The following PCDHGB5 variants were observed in gnomAD, a reference collection of about 807,000 sequenced individuals.
The protein encoded by PCDHGB5 is protocadherin gamma-B5.
PCDHGB5 carries 48 observed loss-of-function variants against 62.9 expected under a neutral mutation model. That is an observed-to-expected ratio of 0.76 (90% CI 0.61 to 0.97). PCDHGB5 has a LOEUF of 0.97. Among genes scored for constraint, PCDHGB5 ranks in the 50% least tolerant of loss-of-function variants. The pLI, the probability that PCDHGB5 is intolerant of heterozygous loss-of-function variation, is 0.00. For missense variants in PCDHGB5, 1,118 were observed against 1,198.6 expected (o/e 0.93, Z 0.99); for synonymous variants, 474 against 511.2 (o/e 0.93, Z 0.98).
chr5:141,423,174 C>T (rs1203454000), intron 1 of PCDHGB5: 1 of 1,613,484 alleles, frequency 6.2e-7, no homozygotes, highest in South Asian at 1.1e-5. Flanking sequence ...CCGTCCAGGA[C>T]CACGGCCAGC....
intron 1 of PCDHGB5, among the ~76,000 whole-genome samples, chr5:141,438,498 CAT>C (rs2097963931): frequency 6.7e-6 from 1 of 149,704 alleles, no homozygotes; most frequent in African/African-American, 2.5e-5. Context: ...AAAAAAGAAT[CAT>C]AGTGCAAAAC....
chr5:141,426,865 T>G (rs2096965950), intron 1 of PCDHGB5: 1 of 456,600 alleles, frequency 2.2e-6, no homozygotes, highest in African/African-American at 2.0e-5. Flanking sequence ...GAATTAGTGC[T>G]GGAGAAGCCC....
chr5:141,403,855 A>G (rs750458276), intron 1 of PCDHGB5: 12 of 1,613,676 alleles, frequency 7.4e-6, no homozygotes, highest in Non-Finnish European at 1.0e-5. Flanking sequence ...CTGGGGAAAT[A>G]TCAACAGCAA....
intron 1 of PCDHGB5, chr5:141,478,046 C>A (rs762982394): frequency 3.7e-6 from 6 of 1,614,172 alleles, no homozygotes; most frequent in Non-Finnish European, 5.1e-6. Flanking sequence ...CAGGCAGACT[C>A]TCACGGTCTT....
chr5:141,407,659 T>C (rs1443799600), intron 1 of PCDHGB5, among the ~76,000 whole-genome samples: 1 of 152,136 alleles, frequency 6.6e-6, no homozygotes, highest in East Asian at 1.9e-4. Flanking sequence ...GGGAGCGCAG[T>C]ATATATTAAA....
chr5:141,399,837 C>T lies in PCDHGB5; in HGVS notation c.1710C>T (p.Leu570=). 4 of 1,613,130 alleles carry T rather than the reference C, an allele frequency of 2.5e-6. No individual in the cohort carries two copies. The highest frequency in any genetic ancestry group is 3.4e-6 in the Non-Finnish European group (4 of 1,179,780). The part of the protein sequence containing the change: ...YPALGPDGSA[L]FDMVPRAAEP... ...CGCTGGGTCCCGACGGCTCTGCGCTCTTCGATATGGTGCCGCGCGCTGCAG... is the reference window on the plus strand; with the variant it reads ...CGCTGGGTCCCGACGGCTCTGCGCTTTTCGATATGGTGCCGCGCGCTGCAG... Residue 570 remains leucine, a synonymous_variant, in exon 1 of 4, where the codon CTC becomes CTT. Coordinates refer to ENST00000617380, the MANE Select transcript of PCDHGB5 (RefSeq NM_018925.3).
chr5:141,472,980 C>CAAAAAAAAAAAAAAAAAAAAA (rs60579131), intron 1 of PCDHGB5, among the ~76,000 whole-genome samples: 3 of 86,094 alleles, frequency 3.5e-5, no homozygotes, highest in Non-Finnish European at 5.0e-5. Context: ...GAGTGAAACT[C>CAAAAAAAAAAAAAAAAAAAAA]AAAAAAAAAA....
At chr5:141,409,034 AACT>A in intron 1 of PCDHGB5, 6 of 1,613,992 alleles carry the variant, frequency 3.7e-6, no homozygotes, top group Non-Finnish European at 4.2e-6. Flanking sequence ...TGCTGAGATA[AACT>A]ACTACTTCCG....
Position 141,486,515 on chromosome 5 carries a change from G to A in PCDHGB5, c.2398-8292G>A. ...AACTATTTTCCTCAATATTTCAGAT[G>A]TGAATGATAATCCACCCTCTTTCTT... On this transcript the variant is annotated intron_variant, in intron 1 of 3. Transcript: ENST00000617380. This position sits in a 1 kb window ranked among gnomAD's most constrained non-coding sequence, Gnocchi z 5.0. 1 of 1,614,172 alleles carries A rather than the reference G, an allele frequency of 6.2e-7. No individual in the cohort carries two copies. The highest frequency in any genetic ancestry group is 8.5e-7 in the Non-Finnish European group (1 of 1,180,026).
chr5:141,497,512 T>C (rs903352739), intron 2 of PCDHGB5, among the ~76,000 whole-genome samples: 2 of 151,896 alleles, frequency 1.3e-5, no homozygotes, highest in Admixed American at 1.3e-4. Flanking sequence ...TCTGCTTCCT[T>C]AGTTAACTTG....
chr5:141,423,753 G>A (rs758300730), intron 1 of PCDHGB5: 1 of 626,096 alleles, frequency 1.6e-6, no homozygotes, highest in Non-Finnish European at 2.0e-6. Context: ...AACTGTTTGG[G>A]GGGGGGGTGG....
intron 1 of PCDHGB5, chr5:141,442,134 AG>A (rs1365375748): frequency 6.1e-6 from 1 of 163,744 alleles, no homozygotes; most frequent in African/African-American, 2.4e-5. Context: ...AGCCTGCAGG[AG>A]ACTCTGCCAG....
In PCDHGB5 at chr5:141,431,716, G is replaced by T; in HGVS notation, c.2397+31192G>T. On this transcript the variant is annotated intron_variant, in intron 1 of 3. Transcript: ENST00000617380. The surrounding 1 kb of genome is among the most constrained non-coding windows in gnomAD (Gnocchi z 4.8). ...AGTCAGGATTCTACCAGATGGAAGT[G>T]CAAGCAATGGATAATGCAGGATATT... 1 of 1,614,244 alleles carries T rather than the reference G, an allele frequency of 6.2e-7. No homozygotes were observed. Among genetic ancestry groups the T allele is most frequent in the Middle Eastern group, 1.6e-4 (1 of 6,062 alleles).
chr5:141,398,349 C>T lies in PCDHGB5; in HGVS notation c.222C>T (p.Tyr74=). The change falls in exon 1 of 4, where the codon TAC becomes TAT. Residue 74 remains tyrosine (Y), a synonymous_variant. Transcript: ENST00000617380. The part of the protein sequence containing the change: ...RKLRVSSEKP[Y]FTVSAESGEL... ...TGCGCGTCAGTTCGGAGAAGCCTTA[C>T]TTCACCGTGAGCGCAGAGAGCGGGG... 2 of 1,397,134 alleles carry T rather than the reference C, an allele frequency of 1.4e-6. No individual in the cohort carries two copies. Among genetic ancestry groups the T allele is most frequent in the Non-Finnish European group, 2.0e-6 (2 of 1,007,652 alleles). The allele number at this position is 1,397,134 out of a possible 1,614,324, so 86.5% of individuals were successfully genotyped here. A position where few individuals can be genotyped will look rare whatever the true frequency, so the allele number is the denominator to read the frequency against.
chr5:141,410,447 C>A, intron 1 of PCDHGB5: 1 of 1,613,984 alleles, frequency 6.2e-7, no homozygotes, highest in Non-Finnish European at 8.5e-7. Context: ...GGGGACTTTG[C>A]CTTATTCTTA....
rs1316573600 is a variant in PCDHGB5 at position 141,490,443 on chromosome 5, G to A, written c.2398-4364G>A. The A allele has an allele frequency of 1.2e-6, 2 of 1,614,174 alleles. No individual in the cohort carries two copies. Among genetic ancestry groups the A allele is most frequent in the Non-Finnish European group, 8.5e-7 (1 of 1,180,042 alleles). On this transcript the variant is annotated intron_variant, in intron 1 of 3. Coordinates refer to ENST00000617380, the MANE Select transcript of PCDHGB5 (RefSeq NM_018925.3). The surrounding 1 kb of genome is among the most constrained non-coding windows in gnomAD (Gnocchi z 5.4). ...TGCCATTTCAGATTAAGCCTTCTGA[G>A]AACCACTACTCGCTGCTAACCAGCC...
intron 1 of PCDHGB5, chr5:141,423,313 G>T (rs1407028245): frequency 1.2e-6 from 2 of 1,614,184 alleles, no homozygotes; most frequent in Non-Finnish European, 1.7e-6. Context: ...GTACTTGGTG[G>T]TGGCGGTGGC....
chr5:141,497,384 A>G (rs2099776099), intron 2 of PCDHGB5, among the ~76,000 whole-genome samples: 1 of 151,900 alleles, frequency 6.6e-6, no homozygotes, highest in African/African-American at 2.4e-5. Context: ...TGGGGTGAGC[A>G]CCTTACCCCT....
chr5:141,408,082 G>A, intron 1 of PCDHGB5: 1 of 1,417,366 alleles, frequency 7.1e-7, no homozygotes, highest in Non-Finnish European at 9.3e-7. Context: ...TCCCAGCACA[G>A]CGGATTGCCA....
Sources: allele counts gnomAD v4.1 joint callset (sites outside exome capture counted in the v4.1 genomes callset), GRCh38; gene constraint gnomAD v4.1.1; non-coding constraint Gnocchi (gnomAD v3.1); transcripts MANE v1.5; gene names NCBI Gene and HGNC (gene_info 2026-07-23, HGNC 2026-07-21).